NRG3: variants seen among roughly 807,000 people sequenced by gnomAD.
NRG3 encodes the protein pro-neuregulin-3, membrane-bound isoform.
A neutral mutation model predicts 66.9 loss-of-function variants in NRG3; 31 were observed. That is an observed-to-expected ratio of 0.46 (90% CI 0.35 to 0.63). The LOEUF (loss-of-function observed/expected upper bound fraction) is 0.63. Ranked by LOEUF, NRG3 falls within the 20% of genes least tolerant of loss-of-function variation. The pLI, the probability that NRG3 is intolerant of heterozygous loss-of-function variation, is 0.00. For synonymous variants in NRG3, 393 were observed against 359.4 expected (o/e 1.09, Z -1.06); for missense variants, 910 against 878.9 (o/e 1.04, Z -0.45).
chr10:82,976,177 G>A (rs746213248), intron 7 of NRG3, among the ~76,000 whole-genome samples: 29 of 152,048 alleles, frequency 1.9e-4, no homozygotes, highest in African/African-American at 5.3e-4. Flanking sequence ...TGCCTCAGCC[G>A]TCTGAGTAGC....
intron 1 of NRG3, among the ~76,000 whole-genome samples, chr10:82,072,337 T>TTTC (rs2064855275): frequency 6.6e-6 from 1 of 152,220 alleles, no homozygotes; most frequent in African/African-American, 2.4e-5. Context: ...GTTCAGCATC[T>TTTC]TTCTTCCCTG....
intron 1 of NRG3, among the ~76,000 whole-genome samples, chr10:81,920,516 T>G (rs1234635930): frequency 6.6e-6 from 1 of 152,134 alleles, no homozygotes; most frequent in East Asian, 1.9e-4. Context: ...AAATGATACT[T>G]TATGACATCA....
intron 1 of NRG3, among the ~76,000 whole-genome samples, chr10:82,238,795 A>G (rs1209149569): frequency 6.6e-6 from 1 of 151,814 alleles, no homozygotes; most frequent in Non-Finnish European, 1.5e-5. Flanking sequence ...TCATTGCTGC[A>G]TGATTCTGTC....
chr10:82,804,050 TTAG>T (rs1254610254), intron 3 of NRG3, among the ~76,000 whole-genome samples: 1 of 152,168 alleles, frequency 6.6e-6, no homozygotes, highest in Non-Finnish European at 1.5e-5. Context: ...CACCAGTCAC[TTAG>T]TAGCTGTTTC....
intron 2 of NRG3, among the ~76,000 whole-genome samples, chr10:82,478,853 T>G (rs1199445897): frequency 6.6e-6 from 1 of 152,218 alleles, no homozygotes; most frequent in African/African-American, 2.4e-5. Context: ...ATTCTTCTAT[T>G]TAGGAAATAA....
At chr10:82,316,972 C>T (rs1428178222) in intron 1 of NRG3, among the ~76,000 whole-genome samples, 2 of 152,256 alleles carry the variant, frequency 1.3e-5, no homozygotes, top group Non-Finnish European at 2.9e-5. Flanking sequence ...CTCATGTGTT[C>T]AGCGTGCAGG....
At position 82,545,770 on chromosome 10, in the gene NRG3, T is replaced by A. The variant is rs931639777; in HGVS notation, c.953+186902T>A. ...AGACGTATTTTTATTGATCGTAATA[T>A]ATAATATCAACTCTTTTTTTTTTTT... On this transcript the variant is annotated intron_variant, in intron 2 of 8. Coordinates refer to ENST00000372141, the MANE Select transcript of NRG3 (RefSeq NM_001010848.4). Among the ~76,000 whole-genome samples the A allele has an allele frequency of 2.7e-5, 4 of 149,032 alleles. No individual in the cohort carries two copies. In the South Asian group the frequency reaches 8.4e-4, roughly 31 times the overall value.
intron 3 of NRG3, among the ~76,000 whole-genome samples, chr10:82,786,733 T>C (rs1400656229): frequency 1.3e-5 from 2 of 152,192 alleles, no homozygotes; most frequent in Non-Finnish European, 2.9e-5. Context: ...TGTTTGAATG[T>C]GTCACTAAAT....
intron 1 of NRG3, among the ~76,000 whole-genome samples, chr10:82,006,104 C>T (rs909581222): frequency 6.6e-6 from 1 of 151,948 alleles, no homozygotes; most frequent in African/African-American, 2.4e-5. Context: ...TCTGTTTTCC[C>T]ACATTCTAAA....
rs201314795 is a variant in NRG3, at chr10:82,210,431, G to A, written c.824-148308G>A. 5.9e-5 allele frequency among the ~76,000 whole-genome samples: 9 copies of A among 152,302 alleles called. No individual in the cohort carries two copies. The East Asian group carries it at 1.7e-3, about 29-fold the overall frequency. ...AGCAAATTCAGTCAGGTGCCAAGGT[G>A]CCAGCCTGCTGGACCACCATATTGG... is the stretch of plus-strand genomic sequence containing the variant. On this transcript the variant is annotated intron_variant, in intron 1 of 8. Transcript: ENST00000372141.
At chr10:81,938,334 A>G (rs1470264452) in intron 1 of NRG3, among the ~76,000 whole-genome samples, 2 of 151,688 alleles carry the variant, frequency 1.3e-5, no homozygotes, top group African/African-American at 4.8e-5. Context: ...TTTTAACAAT[A>G]TTAAGTCTTA....
intron 1 of NRG3, chr10:81,877,559 C>T (rs1210956851): frequency 2.2e-6 from 1 of 454,572 alleles, no homozygotes; most frequent in Middle Eastern, 9.9e-4. Flanking sequence ...TGTTACTTAA[C>T]CCTTGAAACT....
At chr10:82,289,289 C>A (rs572338914) in intron 1 of NRG3, among the ~76,000 whole-genome samples, 95 of 150,426 alleles carry the variant, frequency 6.3e-4, no homozygotes, top group African/African-American at 2.1e-3. Context: ...TCTCTCTGTC[C>A]CCCTTTTCTC....
At chr10:82,314,950 AT>A (rs1339557981) in intron 1 of NRG3, among the ~76,000 whole-genome samples, 1 of 152,150 alleles carries the variant, frequency 6.6e-6, no homozygotes, top group Non-Finnish European at 1.5e-5. Context: ...CTAGGACCTC[AT>A]TTTTTACACT....
At chr10:82,743,792 G>A (rs567392163) in intron 3 of NRG3, among the ~76,000 whole-genome samples, 79 of 152,292 alleles carry the variant, frequency 5.2e-4, no homozygotes, top group Non-Finnish European at 8.7e-4. Flanking sequence ...GCAGACACAA[G>A]GAGATTTTCC....
chr10:82,244,693 C>A (rs896613862), intron 1 of NRG3, among the ~76,000 whole-genome samples: 1 of 151,528 alleles, frequency 6.6e-6, no homozygotes, highest in Admixed American at 6.6e-5. Context: ...GTACTGAGAG[C>A]GGGGGATGGT....
At chr10:82,111,563 A>G (rs963085005) in intron 1 of NRG3, among the ~76,000 whole-genome samples, 4 of 152,168 alleles carry the variant, frequency 2.6e-5, no homozygotes, top group African/African-American at 9.7e-5. Flanking sequence ...AAGCATAGGT[A>G]CTCACCCAGA....
chr10:82,512,994 G>A (rs892584699), intron 2 of NRG3, among the ~76,000 whole-genome samples: 1 of 152,070 alleles, frequency 6.6e-6, no homozygotes, highest in Non-Finnish European at 1.5e-5. Context: ...TGCAGGACGT[G>A]CAGGTTTGTT....
intron 1 of NRG3, among the ~76,000 whole-genome samples, chr10:81,945,846 A>T (rs1182296487): frequency 6.6e-6 from 1 of 152,148 alleles, no homozygotes; most frequent in Non-Finnish European, 1.5e-5. Flanking sequence ...ACAGACGTGC[A>T]CTCAGGGAGA....
Sources: allele counts gnomAD v4.1 joint callset (sites outside exome capture counted in the v4.1 genomes callset), GRCh38; gene constraint gnomAD v4.1.1; transcripts MANE v1.5; gene names NCBI Gene and HGNC (gene_info 2026-07-23, HGNC 2026-07-21).